The following BMPER variants were observed in gnomAD, a reference collection of about 807,000 sequenced individuals.
BMPER encodes BMP binding endothelial regulator, also known as BMP-binding endothelial regulator protein.
A neutral mutation model predicts 87.3 loss-of-function variants in BMPER; 45 were observed. The observed-to-expected ratio is 0.52, with a 90% confidence interval of 0.41 to 0.66. The LOEUF is 0.66. Among genes scored for constraint, BMPER ranks in the 30% least tolerant of loss-of-function variants. The pLI is 0.00. For missense variants in BMPER, 784 were observed against 867.5 expected (o/e 0.90, Z 1.21); for synonymous variants, 326 against 316.2 (o/e 1.03, Z -0.33).
chr7:33,939,636 T>G (rs1225843843), intron 3 of BMPER, among the ~76,000 whole-genome samples: 2 of 152,192 alleles, frequency 1.3e-5, no homozygotes, highest in Non-Finnish European at 2.9e-5. Context: ...GCTGTTCTCG[T>G]GCTGTTCACA....
chr7:33,973,079 C>T (rs1785588615), intron 5 of BMPER, among the ~76,000 whole-genome samples: 2 of 152,164 alleles, frequency 1.3e-5, no homozygotes, highest in Admixed American at 6.5e-5. Flanking sequence ...CATTCTTGGT[C>T]GACTGCTCCT....
At chr7:34,133,214 T>C (rs542943972) in intron 13 of BMPER, among the ~76,000 whole-genome samples, 9 of 152,040 alleles carry the variant, frequency 5.9e-5, no homozygotes, top group African/African-American at 1.9e-4. Flanking sequence ...AATTAGAGGG[T>C]TGGACTTTCA....
chr7:34,029,687 T>C (rs530717092), intron 6 of BMPER, among the ~76,000 whole-genome samples: 27 of 152,210 alleles, frequency 1.8e-4, no homozygotes, highest in South Asian at 1.0e-3. Flanking sequence ...GTTTCAAATG[T>C]ATCACTTTTT....
chr7:34,032,476 A>G (rs1219335023), intron 6 of BMPER, among the ~76,000 whole-genome samples: 1 of 151,796 alleles, frequency 6.6e-6, no homozygotes, highest in African/African-American at 2.4e-5. Flanking sequence ...TACAAATCGA[A>G]TGATAGAGAA....
Position 33,937,603 on chromosome 7 carries a change from A to G in BMPER, c.319+215A>G, listed in dbSNP as rs1784638739. On this transcript the variant is annotated intron_variant, in intron 3 of 14. Coordinates refer to ENST00000649409, the MANE Select transcript of BMPER (RefSeq NM_001365308.1). Reference sequence around the variant, plus strand: ...GGAAGGGGGCTCTCCTGGAGGAGGGATGAAAGTATGTGAGCATCTTCATAT... The same window carrying G: ...GGAAGGGGGCTCTCCTGGAGGAGGGGTGAAAGTATGTGAGCATCTTCATAT... 8.8e-6 allele frequency: 5 copies of G among 571,412 alleles called. No homozygotes were observed. In the East Asian group the frequency reaches 1.2e-4, roughly 14 times the overall value. The allele number at this position is 571,412 out of a possible 1,614,324, so 35.4% of individuals were successfully genotyped here.
intron 13 of BMPER, among the ~76,000 whole-genome samples, chr7:34,122,683 C>T (rs2127989646): frequency 6.6e-6 from 1 of 152,306 alleles, no homozygotes; most frequent in African/African-American, 2.4e-5. Flanking sequence ...TTTGGTTTTG[C>T]ATTGGTCTTT....
At chr7:34,101,038 T>C (rs1789668277) in intron 13 of BMPER, among the ~76,000 whole-genome samples, 1 of 152,192 alleles carries the variant, frequency 6.6e-6, no homozygotes, top group African/African-American at 2.4e-5. Flanking sequence ...ATCTGCAAAT[T>C]TGACAAGGTC....
chr7:34,124,785 C>T (rs1790357853), intron 13 of BMPER, among the ~76,000 whole-genome samples: 1 of 151,938 alleles, frequency 6.6e-6, no homozygotes, highest in East Asian at 1.9e-4. Context: ...AATTTTGGCT[C>T]TCTAAATTGA....
intron 11 of BMPER, among the ~76,000 whole-genome samples, chr7:34,062,432 A>T (rs1012672469): frequency 6.6e-6 from 1 of 152,216 alleles, no homozygotes; most frequent in African/African-American, 2.4e-5. Context: ...TTCTCCCATT[A>T]TAAAGCCAAA....
intron 12 of BMPER, 102 bp from the exon 13 acceptor site, chr7:34,085,654 G>A (rs749000734): frequency 6.2e-6 from 7 of 1,135,234 alleles, no homozygotes; most frequent in Non-Finnish European, 9.1e-6. Flanking sequence ...GCTCCTTATT[G>A]GAGGACAGTC....
rs1002115713 is a variant in BMPER, at chr7:33,970,437, G to A, written c.493+18G>A. The A allele has an allele frequency of 5.0e-6, 8 of 1,609,304 alleles. No homozygotes were observed. Among genetic ancestry groups the A allele is most frequent in the Admixed American group, 1.7e-5 (1 of 59,988 alleles). The stretch of plus-strand genomic sequence containing the variant: ...ATGTCCAGGTAACGTTCTCAGGAAG[G>A]GGAGGCTGGAAATCTCTGTGTGTTC... On this transcript the variant is annotated intron_variant, in intron 5 of 14. Coordinates refer to ENST00000649409, the MANE Select transcript of BMPER (RefSeq NM_001365308.1).
chr7:34,055,440 G>T (rs1036895140), intron 9 of BMPER, 137 bp downstream of exon 9: 29 of 1,085,546 alleles, frequency 2.7e-5, no homozygotes, highest in African/African-American at 4.8e-5. Flanking sequence ...TATATTAATA[G>T]AATGTATTTA....
upstream of BMPER, chr7:33,904,940 G>A (rs1342018467): frequency 2.6e-5 from 4 of 152,978 alleles, no homozygotes; most frequent in African/African-American, 9.6e-5. This position sits in a 1 kb window ranked among gnomAD's most constrained non-coding sequence, Gnocchi z 5.4. Flanking sequence ...TCTCGGCTCT[G>A]GTCCGCGCCC....
chr7:33,970,410 A>G lies in BMPER; in HGVS notation c.484A>G (p.Thr162Ala). 2 of 1,614,026 alleles carry G rather than the reference A, an allele frequency of 1.2e-6. No individual in the cohort carries two copies. The highest frequency in any genetic ancestry group is 1.7e-6 in the Non-Finnish European group (2 of 1,179,920). ...GGAGCATCTGGGAATGTGCTGCCCC[A>G]CATGTCCAGGTAACGTTCTCAGGAA... The part of the protein sequence containing the change: ...PLEHLGMCCP[T>A]CPGCVFEGVQ... Residue 162 changes from threonine (T) to alanine (A), a missense_variant, in exon 5 of 15, where the codon ACA becomes GCA. Thr to Ala is a moderately conservative substitution (Grantham distance 58). Transcript: ENST00000649409.
chr7:33,972,399 G>A (rs1166161404), intron 5 of BMPER, among the ~76,000 whole-genome samples: 3 of 152,128 alleles, frequency 2.0e-5, no homozygotes, highest in Non-Finnish European at 2.9e-5. Context: ...ACAGCAGAGC[G>A]ATCTATTTCA....
At chr7:33,988,756 C>A (rs1015116072) in intron 6 of BMPER, among the ~76,000 whole-genome samples, 7 of 95,610 alleles carry the variant, frequency 7.3e-5, no homozygotes, top group African/African-American at 2.4e-4. Flanking sequence ...CCGATGCTAT[C>A]CCTCCCCCCT....
At chr7:33,922,203 T>G (rs1421296577) in intron 2 of BMPER, among the ~76,000 whole-genome samples, 1 of 151,974 alleles carries the variant, frequency 6.6e-6, no homozygotes, top group African/African-American at 2.4e-5. Flanking sequence ...TTTAAACTTA[T>G]TTTTTTTGAA....
intron 13 of BMPER, among the ~76,000 whole-genome samples, chr7:34,131,183 T>C (rs927867655): frequency 6.6e-6 from 1 of 152,046 alleles, no homozygotes; most frequent in Non-Finnish European, 1.5e-5. Flanking sequence ...GAGTCCTTTT[T>C]CTGGGATTTG....
intron 6 of BMPER, among the ~76,000 whole-genome samples, chr7:34,038,937 T>C (rs915976053): frequency 2.6e-4 from 40 of 152,332 alleles, no homozygotes; most frequent in African/African-American, 9.6e-4. Context: ...AAAGCCTGCA[T>C]TGGTTTCAGC....
Sources: allele counts gnomAD v4.1 joint callset (sites outside exome capture counted in the v4.1 genomes callset), GRCh38; gene constraint gnomAD v4.1.1; non-coding constraint Gnocchi (gnomAD v3.1); transcripts MANE v1.5; gene names NCBI Gene and HGNC (gene_info 2026-07-23, HGNC 2026-07-21).